RNF216: variants seen among roughly 807,000 people sequenced by gnomAD.
The protein encoded by RNF216 is ring finger protein 216.
Under a neutral mutation model 110.8 loss-of-function variants are expected in RNF216, and 72 were observed. The observed-to-expected ratio is 0.65, with a 90% CI of 0.54 to 0.79. The LOEUF (loss-of-function observed/expected upper bound fraction) is 0.79, where lower values mean the gene tolerates loss of function less well. Ranked by LOEUF, RNF216 falls within the 30% of genes least tolerant of loss-of-function variation. RNF216 has a pLI of 0.00. For synonymous variants in RNF216, 495 were observed against 407.5 expected (o/e 1.21, Z -2.59); for missense variants, 1,342 against 1,141.2 (o/e 1.18, Z -2.54).
intron 13 of RNF216, among the ~76,000 whole-genome samples, chr7:5,700,755 G>A (rs1357871213): frequency 6.6e-6 from 1 of 152,168 alleles, no homozygotes; most frequent in African/African-American, 2.4e-5. Context: ...ACAAGTAGGT[G>A]TGTCCTTCCA....
intron 1 of RNF216, among the ~76,000 whole-genome samples, chr7:5,771,849 A>G (rs1396517903): frequency 6.6e-6 from 1 of 152,100 alleles, no homozygotes; most frequent in Non-Finnish European, 1.5e-5. Flanking sequence ...AATTTGAATT[A>G]ACAACGGCTG....
chr7:5,700,044 A>C (rs1791866018), intron 13 of RNF216, among the ~76,000 whole-genome samples: 1 of 152,160 alleles, frequency 6.6e-6, no homozygotes, highest in Admixed American at 6.5e-5. Context: ...CGATGCCCTA[A>C]ACACTCCTCT....
At chr7:5,642,239 G>A (rs1199870849) in intron 14 of RNF216, among the ~76,000 whole-genome samples, 2 of 149,872 alleles carry the variant, frequency 1.3e-5, no homozygotes, top group Admixed American at 1.3e-4. Flanking sequence ...TTGAGACAGA[G>A]TCTTGCTCTG....
rs1786311716 is a variant in RNF216 at position 5,620,892 on chromosome 7, C to T, written c.*1968G>A. 1 of 152,278 alleles carries T rather than the reference C, an allele frequency of 6.6e-6. No individual in the cohort carries two copies. The highest frequency in any genetic ancestry group is 1.5e-5 in the Non-Finnish European group (1 of 68,074). 9.4% of individuals were successfully genotyped at this position (152,278 alleles called of 1,614,324 possible). A position where few individuals can be genotyped will look rare whatever the true frequency, so the allele number is the denominator to read the frequency against. ...TCTTCAGCTGTGATGTCTACAGCCG[C>T]CCTCTGCTCCCAGAGATCCTCCCTG... is the stretch of plus-strand genomic sequence containing the variant. On this transcript the variant is annotated 3_prime_UTR_variant, in exon 17 of 17. Coordinates refer to ENST00000389902, the MANE Select transcript of RNF216 (RefSeq NM_207111.4).
chr7:5,775,534 T>G (rs1426060830), intron 1 of RNF216, among the ~76,000 whole-genome samples: 2 of 152,078 alleles, frequency 1.3e-5, no homozygotes, highest in African/African-American at 4.8e-5. Flanking sequence ...ACTAAAGACT[T>G]TCAAATTTAA....
chr7:5,660,450 C>A (rs1789042109), intron 13 of RNF216, among the ~76,000 whole-genome samples: 1 of 151,432 alleles, frequency 6.6e-6, no homozygotes, highest in Non-Finnish European at 1.5e-5. Flanking sequence ...CGCGACCACA[C>A]CTGGCTAATT....
At chr7:5,626,098 C>T (rs1430623709) in intron 15 of RNF216, among the ~76,000 whole-genome samples, 1 of 152,202 alleles carries the variant, frequency 6.6e-6, no homozygotes, top group African/African-American at 2.4e-5. Flanking sequence ...TGCCCAAGCA[C>T]ACCACAGAAT....
At chr7:5,761,499 A>T (rs1352650567) in intron 1 of RNF216, among the ~76,000 whole-genome samples, 1 of 152,192 alleles carries the variant, frequency 6.6e-6, no homozygotes, top group African/African-American at 2.4e-5. Flanking sequence ...AAAATGAATT[A>T]TGTTTCAGCC....
intron 13 of RNF216, among the ~76,000 whole-genome samples, chr7:5,675,714 C>CTTTTTTTTTTTT (rs754444984): frequency 0.014 from 2,013 of 140,850 alleles, 34 homozygotes; most frequent in Non-Finnish European, 0.024. Context: ...TATTCAAATT[C>CTTTTTTTTTTTT]TTTTTTTTTT....
chr7:5,727,313 T>C (rs1230426668), intron 7 of RNF216, among the ~76,000 whole-genome samples: 3 of 152,244 alleles, frequency 2.0e-5, no homozygotes, highest in African/African-American at 7.2e-5. Context: ...GACCACAAGC[T>C]TTCCAGCTGT....
chr7:5,637,452 T>G (rs1334318976), intron 15 of RNF216, among the ~76,000 whole-genome samples: 1 of 152,226 alleles, frequency 6.6e-6, no homozygotes, highest in Admixed American at 6.5e-5. Context: ...GTTAGGAGCT[T>G]GTTCCGTGAT....
chr7:5,775,309 A>C (rs1473375232), intron 1 of RNF216: 1 of 152,168 alleles, frequency 6.6e-6, no homozygotes, highest in Non-Finnish European at 1.5e-5. Flanking sequence ...CTGGTTTTCA[A>C]AATCTCACCT....
chr7:5,694,052 C>G (rs993393912), intron 13 of RNF216, among the ~76,000 whole-genome samples: 3 of 152,110 alleles, frequency 2.0e-5, no homozygotes, highest in African/African-American at 7.2e-5. Context: ...TGGGTTTATT[C>G]CAAAGGCAGT....
intron 1 of RNF216, among the ~76,000 whole-genome samples, chr7:5,768,294 GAA>G (rs35195410): frequency 0.49 from 56,453 of 116,194 alleles, 14,093 homozygotes; most frequent in Admixed American, 0.54. Flanking sequence ...CTATTAGGGG[GAA>G]AAAAAAAAAA....
intron 1 of RNF216, among the ~76,000 whole-genome samples, chr7:5,777,149 C>T (rs374852971): frequency 1.3e-5 from 2 of 150,580 alleles, no homozygotes; most frequent in African/African-American, 4.9e-5. Flanking sequence ...CAGTCTTTGA[C>T]AAGGCATGTG....
At chr7:5,771,278 T>A (rs901235125) in intron 1 of RNF216, among the ~76,000 whole-genome samples, 1 of 152,102 alleles carries the variant, frequency 6.6e-6, no homozygotes, top group Admixed American at 6.6e-5. Context: ...TAACTACACA[T>A]TTAAACAGAA....
rs1053207047 is a variant in RNF216, at chr7:5,696,780, G to T, written c.2061+14981C>A. Among the ~76,000 whole-genome samples the T allele has an allele frequency of 2.4e-4, 37 of 152,276 alleles. No individual in the cohort carries two copies. Among genetic ancestry groups the T allele is most frequent in the African/African-American group, 8.9e-4 (37 of 41,560 alleles). ...CAAATACCTGCAACATTGTACGAAC[G>T]GGCTCTGGGAGGGCTGTAGGAGGAC... On this transcript the variant is annotated intron_variant, in intron 13 of 16. Transcript: ENST00000389902. The surrounding 1 kb of genome is among the most constrained non-coding windows in gnomAD (Gnocchi z 5.4).
intron 3 of RNF216, among the ~76,000 whole-genome samples, chr7:5,746,077 A>G (rs1795014797): frequency 6.6e-6 from 1 of 152,198 alleles, no homozygotes; most frequent in African/African-American, 2.4e-5. Flanking sequence ...GAGGTAACTC[A>G]AGGAACACAG....
chr7:5,712,392 G>A (rs761271927), intron 12 of RNF216, among the ~76,000 whole-genome samples: 29 of 151,970 alleles, frequency 1.9e-4, no homozygotes, highest in Non-Finnish European at 3.7e-4. Flanking sequence ...AGAATTGCTT[G>A]AACTCAGGAG....
Sources: gnomAD v4.1 joint callset for allele counts (sites outside exome capture counted in the v4.1 genomes callset) on GRCh38, gnomAD v4.1.1 for gene constraint, Gnocchi (gnomAD v3.1) non-coding constraint, MANE v1.5 for transcripts, NCBI Gene and HGNC (gene_info 2026-07-23, HGNC 2026-07-21) for gene names.